Variants in CLASP1 observed in about 807,000 individuals in gnomAD.
CLASP1 encodes the protein CLIP-associating protein 1.
CLASP1 carries 38 observed loss-of-function variants against 192.3 expected under a neutral mutation model. The observed-to-expected ratio is 0.20, with a 90% CI of 0.15 to 0.26. CLASP1 has a LOEUF of 0.26. Ranked by LOEUF, CLASP1 falls within the 10% of genes least tolerant of loss-of-function variation. The pLI, the probability that CLASP1 is intolerant of heterozygous loss-of-function variation, is 1.00. For synonymous variants in CLASP1, 691 were observed against 712.8 expected (o/e 0.97, Z 0.49); for missense variants, 1,433 against 1,932.5 (o/e 0.74, Z 4.85).
intron 2 of CLASP1, among the ~76,000 whole-genome samples, chr2:121,586,542 A>G (rs563788080): frequency 6.6e-6 from 1 of 152,354 alleles, no homozygotes; most frequent in African/African-American, 2.4e-5. Flanking sequence ...CCCCCCTTAA[A>G]AAATACACTA....
chr2:121,542,048 C>G (rs186935741), intron 2 of CLASP1, among the ~76,000 whole-genome samples: 3 of 152,144 alleles, frequency 2.0e-5, no homozygotes, highest in Non-Finnish European at 4.4e-5. Context: ...TCCAGGCACA[C>G]GCACATGCAC....
intron 23 of CLASP1, among the ~76,000 whole-genome samples, chr2:121,411,322 C>CA (rs2077672209): frequency 6.6e-6 from 1 of 152,152 alleles, no homozygotes; most frequent in South Asian, 2.1e-4. Flanking sequence ...GATGTTTGGT[C>CA]AAACTAATTA....
intron 2 of CLASP1, among the ~76,000 whole-genome samples, chr2:121,578,837 T>C (rs1054354532): frequency 1.3e-5 from 2 of 151,988 alleles, no homozygotes; most frequent in South Asian, 2.1e-4. Context: ...GTAAGAGGAA[T>C]TAAAAACACA....
At chr2:121,531,138 G>GTTT in intron 2 of CLASP1, 1 of 612,510 alleles carries the variant, frequency 1.6e-6, no homozygotes. Flanking sequence ...AGTTCTTTCA[G>GTTT]TTTTTGCGGT....
chr2:121,371,288 T>C (rs1319131775), intron 34 of CLASP1, among the ~76,000 whole-genome samples: 6 of 152,080 alleles, frequency 3.9e-5, no homozygotes, highest in Non-Finnish European at 5.9e-5. Flanking sequence ...TGGAGTGCAG[T>C]GGCACAATCG....
At position 121,610,998 on chromosome 2, in the gene CLASP1, G is replaced by C. The variant is rs539686610; in HGVS notation, c.-285-4818C>G. ...AGGAGGAAGAGGAACTGGAGGAGGA[G>C]GAGTTGGAGGAGTTACAGGAGGAAG... On this transcript the variant is annotated intron_variant, in intron 1 of 39. Transcript: ENST00000263710. Among the ~76,000 whole-genome samples, 7 of 145,114 alleles carry C rather than the reference G, an allele frequency of 4.8e-5. No homozygotes were observed. The East Asian group carries it at 1.3e-3, about 27-fold the overall frequency.
intron 19 of CLASP1, among the ~76,000 whole-genome samples, chr2:121,435,504 C>A (rs1462837952): frequency 6.6e-6 from 1 of 152,152 alleles, no homozygotes; most frequent in African/African-American, 2.4e-5. Flanking sequence ...GACCTCCCAA[C>A]CTCAGGTGAT....
chr2:121,459,572 G>T, intron 12 of CLASP1: 1 of 157,222 alleles, frequency 6.4e-6, no homozygotes, highest in Admixed American at 6.4e-5. Context: ...TACACGTACA[G>T]CTAGAATAAA....
rs112304559 is a variant in CLASP1, at chr2:121,566,612, T to C, written c.196-36287A>G. Among the ~76,000 whole-genome samples, 15 of 152,364 alleles carry C rather than the reference T, an allele frequency of 9.8e-5. 1 individual carries two copies. Among genetic ancestry groups the C allele is most frequent in the African/African-American group, 3.4e-4 (14 of 41,580 alleles). ...TTGTAGACAAACTATAATCATTTTA[T>C]TGAGGATTTACTGTGTGCAAAGCAC... On this transcript the variant is annotated intron_variant, in intron 2 of 39. Transcript: ENST00000263710.
intron 2 of CLASP1, among the ~76,000 whole-genome samples, chr2:121,582,521 A>G (rs1181081685): frequency 1.3e-5 from 2 of 151,070 alleles, no homozygotes; most frequent in African/African-American, 2.4e-5. Context: ...GAGGAGAGAG[A>G]GAAAGAAAGA....
intron 2 of CLASP1, among the ~76,000 whole-genome samples, chr2:121,586,273 C>T (rs2061704569): frequency 6.6e-6 from 1 of 152,042 alleles, no homozygotes; most frequent in African/African-American, 2.4e-5. Flanking sequence ...ATTCCAGGCA[C>T]ACGCCACCAC....
At chr2:121,455,332 T>C (rs1056977858) in intron 14 of CLASP1, among the ~76,000 whole-genome samples, 7 of 152,198 alleles carry the variant, frequency 4.6e-5, no homozygotes, top group African/African-American at 1.7e-4. Context: ...GTCAATATGT[T>C]GAAGAGATAT....
intron 2 of CLASP1, chr2:121,530,931 G>C (rs557186710): frequency 4.3e-6 from 3 of 700,376 alleles, no homozygotes; most frequent in East Asian, 2.7e-5. Context: ...CATAGTGAGG[G>C]CAGTACTGCT....
At chr2:121,433,799 G>C (rs1401908122) in intron 19 of CLASP1, among the ~76,000 whole-genome samples, 1 of 152,100 alleles carries the variant, frequency 6.6e-6, no homozygotes, top group African/African-American at 2.4e-5. Flanking sequence ...AACCTACGTG[G>C]TCATGACATA....
chr2:121,444,070 T>C (rs2149750366), intron 19 of CLASP1, among the ~76,000 whole-genome samples: 1 of 152,286 alleles, frequency 6.6e-6, no homozygotes, highest in East Asian at 1.9e-4. Flanking sequence ...CCTCTAAATT[T>C]CAATTACTTA....
In CLASP1 at chr2:121,438,898, C is replaced by A. The variant is rs559436813; in HGVS notation, c.1912+8439G>T. On this transcript the variant is annotated intron_variant, in intron 19 of 39. Transcript: ENST00000263710. ...TTCTATTGATTGGAATAGTTTCAGACGGAATGGTACCAGTTCCTCCTTGTA... is the reference window on the plus strand; with the variant it reads ...TTCTATTGATTGGAATAGTTTCAGAAGGAATGGTACCAGTTCCTCCTTGTA... Among the ~76,000 whole-genome samples the A allele has an allele frequency of 2.3e-3, 341 of 150,842 alleles. 1 individual carries two copies. Among genetic ancestry groups the A allele is most frequent in the African/African-American group, 8.1e-3 (329 of 40,682 alleles).
chr2:121,384,197 T>G, intron 32 of CLASP1, among the ~76,000 whole-genome samples: 1 of 151,378 alleles, frequency 6.6e-6, no homozygotes, highest in South Asian at 2.1e-4. Context: ...CACACACATT[T>G]TTTGTTTTTA....
intron 35 of CLASP1, 84 bp downstream of exon 36, chr2:121,367,504 C>T: frequency 6.4e-7 from 1 of 1,561,160 alleles, no homozygotes; most frequent in Non-Finnish European, 8.8e-7. Flanking sequence ...TTACATCTGA[C>T]CAGTGGGCCT....
intron 8 of CLASP1, among the ~76,000 whole-genome samples, chr2:121,471,587 G>C (rs1270094990): frequency 6.6e-6 from 1 of 151,878 alleles, no homozygotes; most frequent in South Asian, 2.1e-4. Flanking sequence ...CAACAGCCAA[G>C]TCTTGTGTCT....
Sources: gnomAD v4.1 joint callset for allele counts (sites outside exome capture counted in the v4.1 genomes callset) on GRCh38, gnomAD v4.1.1 for gene constraint, MANE v1.5 for transcripts, NCBI Gene and HGNC (gene_info 2026-07-23, HGNC 2026-07-21) for gene names.